CCDC27: variants seen among roughly 807,000 people sequenced by gnomAD.
CCDC27 encodes coiled-coil domain containing 27, also known as coiled-coil domain-containing protein 27.
A neutral mutation model predicts 80.3 loss-of-function variants in CCDC27; 80 were observed. The ratio of observed to expected loss-of-function variants is 1.00; its 90% CI spans 0.83 to 1.20. The LOEUF (loss-of-function observed/expected upper bound fraction) is 1.20, where lower values mean the gene tolerates loss of function less well. CCDC27 is among the 50% of genes most tolerant of loss of function. CCDC27 has a pLI of 0.00. For missense variants in CCDC27, 815 were observed against 809.4 expected (o/e 1.01, Z -0.08); for synonymous variants, 342 against 334.3 (o/e 1.02, Z -0.25).
intron 11 of CCDC27, among the ~76,000 whole-genome samples, chr1:3,770,933 C>T (rs1643345940): frequency 6.6e-6 from 1 of 152,056 alleles, no homozygotes; most frequent in African/African-American, 2.4e-5. Context: ...CCAGCAACGG[C>T]CCAGAGAGGA....
At chr1:3,755,333 C>T in intron 2 of CCDC27, 124 bp from the exon 3 acceptor site, 1 of 769,874 alleles carries the variant, frequency 1.3e-6, no homozygotes, top group South Asian at 1.5e-5. Context: ...CAGTCCCATG[C>T]ATCCATTAAA....
rs143217722 is a variant in CCDC27 at position 3,754,147 on chromosome 1, C to T, written c.348C>T (p.Thr116=). ...AACCCAAGGATGCCGCCAGCCTCAC[C>T]GGCTTCATGTCCAAAATGGAACTTC... ...TSEPKDAASL[T]GFMSKMELRR... The change falls in exon 2 of 12, where the codon ACC becomes ACT. Residue 116 remains threonine, a synonymous_variant. Transcript: ENST00000294600. The T allele has an allele frequency of 5.8e-5, 93 of 1,613,634 alleles. No homozygotes were observed. The highest frequency in any genetic ancestry group is 3.2e-4 in the African/African-American group (24 of 74,952).
intron 5 of CCDC27, among the ~76,000 whole-genome samples, 199 bp from the exon 6 acceptor site, chr1:3,762,421 G>GC (rs1382834737): frequency 6.6e-6 from 1 of 151,984 alleles, no homozygotes; most frequent in Non-Finnish European, 1.5e-5. Flanking sequence ...GAGCCCCACT[G>GC]CCCCCCAGAA....
chr1:3,771,332 T>C (rs947874083), intron 11 of CCDC27, 69 bp from the exon 12 acceptor site: 2 of 1,606,004 alleles, frequency 1.2e-6, no homozygotes, highest in Non-Finnish European at 1.7e-6. Flanking sequence ...GCACGGACTG[T>C]GCAGACCGGC....
Position 3,755,437 on chromosome 1 carries a change from G to T in CCDC27, c.443-20G>T. The T allele has an allele frequency of 6.3e-7, 1 of 1,599,416 alleles. No individual in the cohort carries two copies. Among genetic ancestry groups the T allele is most frequent in the Non-Finnish European group, 8.6e-7 (1 of 1,166,620 alleles). On this transcript the variant is annotated intron_variant, in intron 2 of 11. Transcript: ENST00000294600. Reference sequence around the variant, plus strand: ...ACAAGACCGCAGCAGTCACCAGATGGCATCTTTAACACTCTACAGGTTCAC... The same window carrying T: ...ACAAGACCGCAGCAGTCACCAGATGTCATCTTTAACACTCTACAGGTTCAC...
rs985376173 is a variant in CCDC27 at position 3,766,141 on chromosome 1, C to T, written c.1453-394C>T. On this transcript the variant is annotated intron_variant, in intron 8 of 11. Transcript: ENST00000294600. This position sits in a 1 kb window ranked among gnomAD's most constrained non-coding sequence, Gnocchi z 6.1. Reference sequence around the variant, plus strand: ...TCAGCCTTCTAAAGTGCTGGGATTACAGGTGTGAGCCACTGCACGTGGCCT... The same window carrying T: ...TCAGCCTTCTAAAGTGCTGGGATTATAGGTGTGAGCCACTGCACGTGGCCT... Among the ~76,000 whole-genome samples, 1 of 152,240 alleles carries T rather than the reference C, an allele frequency of 6.6e-6. No homozygotes were observed. The highest frequency in any genetic ancestry group is 2.4e-5 in the African/African-American group (1 of 41,462).
intron 5 of CCDC27, among the ~76,000 whole-genome samples, chr1:3,762,320 G>A (rs1043966824): frequency 2.2e-4 from 33 of 152,282 alleles, no homozygotes; most frequent in South Asian, 1.2e-3. Context: ...GGCCACCCAG[G>A]CAATGACATG....
Position 3,761,490 on chromosome 1 carries a change from C to A in CCDC27, c.861+60C>A. The A allele has an allele frequency of 6.4e-7, 1 of 1,570,030 alleles. No individual in the cohort carries two copies. The highest frequency in any genetic ancestry group is 8.6e-7 in the Non-Finnish European group (1 of 1,156,790). On this transcript the variant is annotated intron_variant, in intron 5 of 11. Transcript: ENST00000294600. The surrounding 1 kb of genome is among the most constrained non-coding windows in gnomAD (Gnocchi z 5.0). Reference sequence around the variant, plus strand: ...CTAAGACGGTTGTTTTCAAAGCGTCCAAAGCTGCTAGTGACACACAGGCCC... The same window carrying A: ...CTAAGACGGTTGTTTTCAAAGCGTCAAAAGCTGCTAGTGACACACAGGCCC...
rs778470156 is a variant in CCDC27, at chr1:3,756,771, G to C, written c.592G>C (p.Asp198His). The C allele has an allele frequency of 2.5e-6, 4 of 1,613,948 alleles. No individual in the cohort carries two copies. Among genetic ancestry groups the C allele is most frequent in the Non-Finnish European group, 3.4e-6 (4 of 1,180,024 alleles). The change falls in exon 4 of 12, where the codon GAT becomes CAT. Residue 198 changes from aspartate (D) to histidine (H), a missense_variant. By Grantham distance (81) the Asp-to-His change is moderately conservative (BLOSUM62 -1). Coordinates refer to ENST00000294600, the MANE Select transcript of CCDC27 (RefSeq NM_152492.3). ...LPFSKSICEF[D>H]YLRKRRKSQT... ...CTTCAGTAAGAGCATCTGCGAGTTC[G>C]ATTACTTGCGGAAGAGGAGAAAATC...
In CCDC27 at chr1:3,757,063, C is replaced by A. The variant is rs370499684; in HGVS notation, c.711+173C>A. On this transcript the variant is annotated intron_variant, in intron 4 of 11. Transcript: ENST00000294600. ...CCCCCTGCTTTGACAAAGCTCCTCA[C>A]CCCTGTCCATCCTCACCCCAGTGGG... 2.3e-5 allele frequency: 16 copies of A among 701,514 alleles called. 1 individual carries two copies. Among genetic ancestry groups the A allele is most frequent in the Admixed American group, 1.9e-4 (6 of 31,568 alleles). The allele number at this position is 701,514 out of a possible 1,614,324, so 43.5% of individuals were successfully genotyped here. A position where few individuals can be genotyped will look rare whatever the true frequency, so the allele number is the denominator to read the frequency against.
chr1:3,767,466 T>C, intron 10 of CCDC27, 21 bp downstream of exon 10: 1 of 1,591,444 alleles, frequency 6.3e-7, no homozygotes, highest in Non-Finnish European at 8.6e-7. Flanking sequence ...CCCTTCCTCC[T>C]GAGGGTCTGT....
At chr1:3,758,920 C>T (rs1157517224) in intron 4 of CCDC27, among the ~76,000 whole-genome samples, 1 of 151,838 alleles carries the variant, frequency 6.6e-6, no homozygotes, top group Non-Finnish European at 1.5e-5. Flanking sequence ...TTTTAAAAAT[C>T]ACAAATTAGG....
In CCDC27 at chr1:3,766,926, C is replaced by T. The variant is rs544967551; in HGVS notation, c.1531-307C>T. On this transcript the variant is annotated intron_variant, in intron 9 of 11. Coordinates refer to ENST00000294600, the MANE Select transcript of CCDC27 (RefSeq NM_152492.3). The surrounding 1 kb of genome is among the most constrained non-coding windows in gnomAD (Gnocchi z 6.1). ...TGTGATCTCAGCTCACTGCAACCTCCGCCTCCTGGGTTCAAGTGATTCTCC... is the reference window on the plus strand; with the variant it reads ...TGTGATCTCAGCTCACTGCAACCTCTGCCTCCTGGGTTCAAGTGATTCTCC... Among the ~76,000 whole-genome samples, 5 of 151,276 alleles carry T rather than the reference C, an allele frequency of 3.3e-5. No homozygotes were observed. Among genetic ancestry groups the T allele is most frequent in the South Asian group, 2.1e-4 (1 of 4,746 alleles).
At chr1:3,762,509 T>TCC in intron 5 of CCDC27, 111 bp from the exon 6 acceptor site, 1 of 806,970 alleles carries the variant, frequency 1.2e-6, no homozygotes, top group Non-Finnish European at 2.0e-6. Context: ...AGGATGCAGG[T>TCC]CCCCTCCCCA....
intron 8 of CCDC27, among the ~76,000 whole-genome samples, chr1:3,764,684 C>G (rs1643186162): frequency 6.6e-6 from 1 of 152,198 alleles, no homozygotes; most frequent in African/African-American, 2.4e-5. Context: ...ACACCTTTTG[C>G]TTTCTTGCCC....
chr1:3,763,783 C>T lies in CCDC27; in HGVS notation c.1399C>T (p.Leu467=). Residue 467 remains leucine, a synonymous_variant, in exon 8 of 12, where the codon CTG becomes TTG. Coordinates refer to ENST00000294600, the MANE Select transcript of CCDC27 (RefSeq NM_152492.3). This position sits in a 1 kb window ranked among gnomAD's most constrained non-coding sequence, Gnocchi z 7.5. ...AAAGATCAATACGGAAAATGAGACG[C>T]TGCAGAAGGAGCTCCGAGAGCGGAG... is the stretch of plus-strand genomic sequence containing the variant. The part of the protein sequence containing the change: ...LRKINTENET[L]QKELRERRQQ... 1.2e-6 allele frequency: 2 copies of T among 1,614,166 alleles called. No homozygotes were observed. Among genetic ancestry groups the T allele is most frequent in the Non-Finnish European group, 1.7e-6 (2 of 1,179,998 alleles).
chr1:3,755,288 G>A (rs1051960775), intron 2 of CCDC27, among the ~76,000 whole-genome samples, 169 bp from the exon 3 acceptor site: 6 of 152,204 alleles, frequency 3.9e-5, no homozygotes, highest in African/African-American at 1.2e-4. Flanking sequence ...GGGCAGGCAG[G>A]AGGATGAAGC....
intron 4 of CCDC27, among the ~76,000 whole-genome samples, chr1:3,759,090 G>A (rs531068476): frequency 2.6e-5 from 4 of 151,990 alleles, no homozygotes; most frequent in African/African-American, 7.2e-5. Context: ...GGTGGCAGGT[G>A]CCAGTAATCC....
chr1:3,764,906 A>C (rs1164383786), intron 8 of CCDC27, among the ~76,000 whole-genome samples: 2 of 152,022 alleles, frequency 1.3e-5, no homozygotes, highest in African/African-American at 2.4e-5. Context: ...GTGATGGTGG[A>C]TGCCTGTAAT....
Sources: allele counts gnomAD v4.1 joint callset (sites outside exome capture counted in the v4.1 genomes callset), GRCh38; gene constraint gnomAD v4.1.1; non-coding constraint Gnocchi (gnomAD v3.1); transcripts MANE v1.5; gene names NCBI Gene and HGNC (gene_info 2026-07-23, HGNC 2026-07-21).